SHROOM3: variants seen among roughly 807,000 people sequenced by gnomAD.
SHROOM3 encodes the protein shroom family member 3.
A neutral mutation model predicts 138.6 loss-of-function variants in SHROOM3; 47 were observed. The ratio of observed to expected loss-of-function variants is 0.34; its 90% CI spans 0.27 to 0.43. SHROOM3 has a LOEUF of 0.43. SHROOM3 is among the 20% of genes least tolerant of loss of function. SHROOM3 has a pLI of 1.00. For missense variants in SHROOM3, 2,491 were observed against 2,596.5 expected (o/e 0.96, Z 0.88); for synonymous variants, 1,062 against 1,063.3 (o/e 1.00, Z 0.02).
intron 2 of SHROOM3, among the ~76,000 whole-genome samples, chr4:76,626,716 G>A (rs1420717380): frequency 2.0e-5 from 3 of 152,212 alleles, no homozygotes; most frequent in Non-Finnish European, 4.4e-5. Flanking sequence ...TTGAGGCTCA[G>A]AGAGGTGAAA....
intron 1 of SHROOM3, among the ~76,000 whole-genome samples, chr4:76,456,236 A>G (rs1731024520): frequency 6.6e-6 from 1 of 152,092 alleles, no homozygotes; most frequent in Non-Finnish European, 1.5e-5. Flanking sequence ...TGATCTCCTG[A>G]CCTCATGATC....
chr4:76,477,904 G>A (rs1731522074), intron 1 of SHROOM3, among the ~76,000 whole-genome samples: 1 of 152,174 alleles, frequency 6.6e-6, no homozygotes, highest in African/African-American at 2.4e-5. Context: ...GCCAAGGGAA[G>A]TCATGAGGGA....
chr4:76,553,349 C>T (rs1733405745), intron 1 of SHROOM3, among the ~76,000 whole-genome samples: 1 of 152,134 alleles, frequency 6.6e-6, no homozygotes, highest in African/African-American at 2.4e-5. Flanking sequence ...GATCTCTGCT[C>T]ACTGCAACCT....
At chr4:76,614,765 T>A (rs1734837866) in intron 2 of SHROOM3, among the ~76,000 whole-genome samples, 1 of 152,142 alleles carries the variant, frequency 6.6e-6, no homozygotes, top group Admixed American at 6.5e-5. Context: ...ATGACTCAAT[T>A]TGAAATTTTA....
intron 1 of SHROOM3, among the ~76,000 whole-genome samples, chr4:76,537,931 G>A (rs964569740): frequency 1.3e-5 from 2 of 151,952 alleles, no homozygotes; most frequent in Non-Finnish European, 2.9e-5. Flanking sequence ...TTTTTGAGAC[G>A]GAGTCTCCCT....
At chr4:76,558,139 C>T (rs1445650057) in intron 2 of SHROOM3, among the ~76,000 whole-genome samples, 1 of 152,188 alleles carries the variant, frequency 6.6e-6, no homozygotes, top group Non-Finnish European at 1.5e-5. Flanking sequence ...GAAAGGGCTG[C>T]TCTGTTTCCT....
intron 2 of SHROOM3, among the ~76,000 whole-genome samples, chr4:76,697,650 G>T (rs765339396): frequency 2.2e-4 from 34 of 152,250 alleles, no homozygotes; most frequent in Admixed American, 9.8e-4. Context: ...TTCTTTTTCT[G>T]TGAAATGAGG....
chr4:76,676,770 T>C (rs368478068), intron 2 of SHROOM3, among the ~76,000 whole-genome samples: 193 of 152,062 alleles, frequency 1.3e-3, no homozygotes, highest in African/African-American at 4.3e-3. Flanking sequence ...AGTGAAACCC[T>C]GTCTCTACTA....
chr4:76,544,220 A>T (rs1313024486), intron 1 of SHROOM3, among the ~76,000 whole-genome samples: 1 of 152,196 alleles, frequency 6.6e-6, no homozygotes, highest in Non-Finnish European at 1.5e-5. Flanking sequence ...ACAGGGAGCA[A>T]AATATGATGT....
intron 1 of SHROOM3, among the ~76,000 whole-genome samples, chr4:76,493,004 T>G (rs1731886681): frequency 6.6e-6 from 1 of 152,042 alleles, no homozygotes; most frequent in Admixed American, 6.6e-5. Flanking sequence ...GTGAATCACC[T>G]GAGGTCAGGA....
chr4:76,758,836 A>G, intron 8 of SHROOM3, among the ~76,000 whole-genome samples: 1 of 152,200 alleles, frequency 6.6e-6, no homozygotes, highest in East Asian at 1.9e-4. Context: ...TCATTTATTC[A>G]GTGGGTAGGA....
At chr4:76,569,753 C>T (rs1201255166) in intron 2 of SHROOM3, among the ~76,000 whole-genome samples, 1 of 151,248 alleles carries the variant, frequency 6.6e-6, no homozygotes, top group Non-Finnish European at 1.5e-5. Context: ...ATCAAAACGG[C>T]TGTGGTGTCT....
intron 1 of SHROOM3, among the ~76,000 whole-genome samples, chr4:76,441,134 G>C (rs1730667718): frequency 1.7e-5 from 2 of 120,182 alleles, no homozygotes; most frequent in African/African-American, 6.2e-5. Context: ...CTGTCGCCCA[G>C]GCTGGAGTGC....
At position 76,611,833 on chromosome 4, in the gene SHROOM3, G is replaced by A. The variant is rs1384193894; in HGVS notation, c.323+56070G>A. Among the ~76,000 whole-genome samples, 4 of 152,192 alleles carry A rather than the reference G, an allele frequency of 2.6e-5. No homozygotes were observed. The East Asian group carries it at 7.7e-4, about 29-fold the overall frequency. On this transcript the variant is annotated intron_variant, in intron 2 of 10. Transcript: ENST00000296043. ...CCCTGTGCTGGCTCCAGCTTCTGGA[G>A]TTTCTGGCGAATCATACCTGAAAGG...
At position 76,739,511 on chromosome 4, in the gene SHROOM3, G is replaced by A; in HGVS notation, c.1338G>A (p.Val446=). ...LEKSPENSPP[V]KPKHNYTQKA... is the part of the protein sequence containing the mutation. ...AGAGTCCAGAGAACAGCCCCCCAGTGAAGCCCAAGCATAACTATACCCAGA... is the reference window on the plus strand; with the variant it reads ...AGAGTCCAGAGAACAGCCCCCCAGTAAAGCCCAAGCATAACTATACCCAGA... Residue 446 remains valine, a synonymous_variant, in exon 5 of 11, where the codon GTG becomes GTA. Transcript: ENST00000296043. The A allele has an allele frequency of 6.2e-7, 1 of 1,614,102 alleles. No homozygotes were observed. Among genetic ancestry groups the A allele is most frequent in the Non-Finnish European group, 8.5e-7 (1 of 1,179,968 alleles).
intron 2 of SHROOM3, among the ~76,000 whole-genome samples, chr4:76,647,852 T>C (rs1182092442): frequency 6.6e-6 from 1 of 151,950 alleles, no homozygotes; most frequent in Non-Finnish European, 1.5e-5. Flanking sequence ...GCAGTGATCA[T>C]GTACAAGCTG....
intron 2 of SHROOM3, among the ~76,000 whole-genome samples, chr4:76,625,270 G>A (rs1735107919): frequency 6.6e-6 from 1 of 152,142 alleles, no homozygotes; most frequent in South Asian, 2.1e-4. Flanking sequence ...AGAAACTATA[G>A]GCCTTAAATA....
At chr4:76,614,717 G>A (rs890978668) in intron 2 of SHROOM3, among the ~76,000 whole-genome samples, 8 of 152,274 alleles carry the variant, frequency 5.3e-5, no homozygotes, top group African/African-American at 1.9e-4. Flanking sequence ...CAGACCCAGT[G>A]TTGCCAGAAA....
intron 10 of SHROOM3, among the ~76,000 whole-genome samples, chr4:76,773,474 G>T (rs1413034643): frequency 2.0e-5 from 3 of 152,078 alleles, no homozygotes; most frequent in Non-Finnish European, 4.4e-5. Context: ...GAAGGTGTGG[G>T]AAGGATTAAG....
Sources: allele counts gnomAD v4.1 joint callset (sites outside exome capture counted in the v4.1 genomes callset), GRCh38; gene constraint gnomAD v4.1.1; transcripts MANE v1.5; gene names NCBI Gene and HGNC (gene_info 2026-07-23, HGNC 2026-07-21).